PTGER4: variants seen among roughly 807,000 people sequenced by gnomAD.
PTGER4 encodes prostaglandin E2 receptor EP4 subtype.
Under a neutral mutation model 33.2 loss-of-function variants are expected in PTGER4, and 11 were observed. The observed-to-expected ratio is 0.33, with a 90% confidence interval of 0.21 to 0.55. PTGER4 has a LOEUF of 0.55. Among genes scored for constraint, PTGER4 ranks in the 20% least tolerant of loss-of-function variants. The probability of loss-of-function intolerance (pLI) is 0.92; values close to 1 mark genes in which losing one functional copy is unlikely to be tolerated. For missense variants in PTGER4, 481 were observed against 650.2 expected (o/e 0.74, Z 2.83); for synonymous variants, 275 against 281.5 (o/e 0.98, Z 0.23).
chr5:40,718,682 G>C, the PTGER4 span, among the ~76,000 whole-genome samples: 369 of 152,058 alleles, frequency 2.4e-3, no homozygotes, highest in African/African-American at 8.6e-3. Flanking sequence ...AGGTTGCAGT[G>C]AGCCGAGATT....
At chr5:40,703,396 G>C in the PTGER4 span, among the ~76,000 whole-genome samples, 3 of 152,234 alleles carry the variant, frequency 2.0e-5, no homozygotes, top group African/African-American at 7.2e-5. Context: ...ATATGGAAGA[G>C]ATGGATAAAT....
the PTGER4 span, among the ~76,000 whole-genome samples, chr5:40,722,581 G>A: frequency 4.7e-5 from 7 of 149,656 alleles, no homozygotes; most frequent in Admixed American, 1.3e-4. Context: ...ACTGAGGAGC[G>A]TCTCTGACCG....
At chr5:40,697,294 G>GAAAGAAAGAAAGA (rs1741634535), downstream of PTGER4, among the ~76,000 whole-genome samples, 1 of 143,640 alleles carries the variant, frequency 7.0e-6, no homozygotes, top group African/African-American at 2.5e-5. Context: ...AAGAAAGAAA[G>GAAAGAAAGAAAGA]AAAAAGAAAG....
the PTGER4 span, among the ~76,000 whole-genome samples, chr5:40,743,428 T>A: frequency 6.6e-6 from 1 of 152,204 alleles, no homozygotes; most frequent in African/African-American, 2.4e-5. Flanking sequence ...TTTTTTAATC[T>A]AATTTAATTA....
At chr5:40,739,866 GT>G in the PTGER4 span, among the ~76,000 whole-genome samples, 1 of 152,026 alleles carries the variant, frequency 6.6e-6, no homozygotes, top group Admixed American at 6.6e-5. Flanking sequence ...TTTTCATATA[GT>G]TTTTATACAT....
intron 2 of PTGER4, among the ~76,000 whole-genome samples, chr5:40,687,424 T>C (rs746463353): frequency 1.7e-4 from 26 of 152,132 alleles, no homozygotes; most frequent in Non-Finnish European, 3.2e-4. Flanking sequence ...ACTTGTTTAA[T>C]TATGTAAAAT....
At chr5:40,735,203 C>G in the PTGER4 span, among the ~76,000 whole-genome samples, 1 of 152,154 alleles carries the variant, frequency 6.6e-6, no homozygotes, top group Non-Finnish European at 1.5e-5. Context: ...GATGAAGAAT[C>G]CACAGAGTTT....
the PTGER4 span, among the ~76,000 whole-genome samples, chr5:40,740,211 C>T: frequency 6.6e-6 from 1 of 151,238 alleles, no homozygotes; most frequent in Non-Finnish European, 1.5e-5. Context: ...AATCAGTCTT[C>T]ATACTTACCC....
chr5:40,728,819 C>A, the PTGER4 span, among the ~76,000 whole-genome samples: 2 of 152,166 alleles, frequency 1.3e-5, no homozygotes, highest in Non-Finnish European at 2.9e-5. Flanking sequence ...CAGGGAACCC[C>A]AGGTATTGCC....
the PTGER4 span, among the ~76,000 whole-genome samples, chr5:40,713,618 G>A: frequency 6.6e-6 from 1 of 152,096 alleles, no homozygotes; most frequent in Non-Finnish European, 1.5e-5. Context: ...TCTAGAGAAT[G>A]ATATATGATT....
the PTGER4 span, among the ~76,000 whole-genome samples, chr5:40,722,679 A>G: frequency 8.7e-5 from 13 of 149,312 alleles, no homozygotes; most frequent in African/African-American, 3.2e-4. Flanking sequence ...ACAGCCGCCC[A>G]GTCTGGGAAG....
rs1272496868 is a variant in PTGER4, at chr5:40,680,218, A to C, written c.-304A>C. ...AGCTGGGACTCGTCTTTGAAGGAAA[A>C]AAAATAGCGAGTAAGAAATCCAGCA... On this transcript the variant is annotated 5_prime_UTR_variant, in exon 1 of 3. Coordinates refer to ENST00000302472, the MANE Select transcript of PTGER4 (RefSeq NM_000958.3). This position sits in a 1 kb window ranked among gnomAD's most constrained non-coding sequence, Gnocchi z 5.5. The C allele has an allele frequency of 3.3e-5, 5 of 152,586 alleles. No individual in the cohort carries two copies. In the East Asian group the frequency reaches 9.4e-4, roughly 29 times the overall value. The allele number at this position is 152,586 out of a possible 1,614,324, so 9.5% of individuals were successfully genotyped here. A position where few individuals can be genotyped will look rare whatever the true frequency, so the allele number is the denominator to read the frequency against.
chr5:40,714,795 GATC>G, the PTGER4 span: 1 of 152,144 alleles, frequency 6.6e-6, no homozygotes, highest in Admixed American at 6.6e-5. Flanking sequence ...AAAAAATGTA[GATC>G]ATTACTTATA....
At chr5:40,735,670 G>A in the PTGER4 span, among the ~76,000 whole-genome samples, 2 of 152,194 alleles carry the variant, frequency 1.3e-5, no homozygotes, top group African/African-American at 4.8e-5. Context: ...GAGAGCAAAA[G>A]GAAAGGAGCA....
rs1267232985 is a variant in PTGER4, at chr5:40,692,634, C to G, written c.*256C>G. 2.7e-5 allele frequency: 33 copies of G among 1,201,166 alleles called. No homozygotes were observed. Among genetic ancestry groups the G allele is most frequent in the East Asian group, 4.1e-5 (1 of 24,606 alleles). The allele number at this position is 1,201,166 out of a possible 1,614,324, so 74.4% of individuals were successfully genotyped here. ...CAACTTGATGGCTGCGAAGACCTAC[C>G]CTCCGTTTTTCTACTAGATAGGAGG... On this transcript the variant is annotated 3_prime_UTR_variant, in exon 3 of 3. Transcript: ENST00000302472.
the PTGER4 span, among the ~76,000 whole-genome samples, chr5:40,713,888 G>A: frequency 6.6e-6 from 1 of 152,014 alleles, no homozygotes; most frequent in Non-Finnish European, 1.5e-5. Flanking sequence ...TAAAATAATG[G>A]GTGCATTTTT....
the PTGER4 span, among the ~76,000 whole-genome samples, chr5:40,734,328 A>AC: frequency 3.9e-5 from 6 of 152,226 alleles, no homozygotes. Context: ...AACAGACTGA[A>AC]CAGACACAGC....
At chr5:40,707,889 G>GCT in the PTGER4 span, among the ~76,000 whole-genome samples, 2 of 152,070 alleles carry the variant, frequency 1.3e-5, no homozygotes, top group African/African-American at 4.8e-5. Context: ...ACTCAAAACC[G>GCT]CTCAACTACA....
the PTGER4 span, among the ~76,000 whole-genome samples, chr5:40,720,017 T>C: frequency 6.6e-6 from 1 of 152,218 alleles, no homozygotes; most frequent in Non-Finnish European, 1.5e-5. Flanking sequence ...ACAGTAACTT[T>C]TGAAGCACAA....
Sources: gnomAD v4.1 joint callset for allele counts (sites outside exome capture counted in the v4.1 genomes callset) on GRCh38, gnomAD v4.1.1 for gene constraint, Gnocchi (gnomAD v3.1) non-coding constraint, MANE v1.5 for transcripts, NCBI Gene and HGNC (gene_info 2026-07-23, HGNC 2026-07-21) for gene names.